Variants in FER observed in about 807,000 individuals in gnomAD.
The protein encoded by FER is FER tyrosine kinase.
FER carries 63 observed loss-of-function variants against 111.0 expected under a neutral mutation model. The ratio of observed to expected loss-of-function variants is 0.57; its 90% CI spans 0.46 to 0.70. The LOEUF (loss-of-function observed/expected upper bound fraction) is 0.70, where lower values mean the gene tolerates loss of function less well. Among genes scored for constraint, FER ranks in the 30% least tolerant of loss-of-function variants. The pLI, the probability that FER is intolerant of heterozygous loss-of-function variation, is 0.00. For synonymous variants in FER, 327 were observed against 313.9 expected (o/e 1.04, Z -0.44); for missense variants, 914 against 954.0 (o/e 0.96, Z 0.55).
intron 10 of FER, among the ~76,000 whole-genome samples, chr5:108,929,600 AT>A (rs529996209): frequency 2.9e-3 from 425 of 147,394 alleles, no homozygotes; most frequent in African/African-American, 7.7e-3. Context: ...GAAGGAGGTG[AT>A]TTTTTTTTTT....
At chr5:108,788,030 A>G (rs1448347783) in intron 2 of FER, among the ~76,000 whole-genome samples, 1 of 152,212 alleles carries the variant, frequency 6.6e-6, no homozygotes. Flanking sequence ...GCTGCGTGCA[A>G]CGAGAAAGAG....
At chr5:109,018,370 C>T (rs1767472832) in intron 13 of FER, among the ~76,000 whole-genome samples, 1 of 151,826 alleles carries the variant, frequency 6.6e-6, no homozygotes, top group African/African-American at 2.4e-5. Flanking sequence ...TTCAATATGG[C>T]TTTAAGATGA....
chr5:109,082,504 A>G (rs1343185719), intron 16 of FER, among the ~76,000 whole-genome samples: 1 of 152,038 alleles, frequency 6.6e-6, no homozygotes, highest in African/African-American at 2.4e-5. Flanking sequence ...AAAGTCAATT[A>G]ATACTTACAT....
At chr5:108,875,375 C>G (rs927982291) in intron 8 of FER, among the ~76,000 whole-genome samples, 2 of 152,024 alleles carry the variant, frequency 1.3e-5, no homozygotes, top group Non-Finnish European at 2.9e-5. Flanking sequence ...CTCTCCTTCC[C>G]TACCAACACC....
At chr5:109,105,112 G>A (rs938641282) in intron 17 of FER, among the ~76,000 whole-genome samples, 1 of 152,076 alleles carries the variant, frequency 6.6e-6, no homozygotes, top group Non-Finnish European at 1.5e-5. Flanking sequence ...CAGGAAGAGA[G>A]TAATATTATA....
chr5:109,127,505 G>A lies in FER; in HGVS notation c.2048+26986G>A, dbSNP rs552483732. Among the ~76,000 whole-genome samples the A allele has an allele frequency of 4.6e-5, 7 of 152,210 alleles. No individual in the cohort carries two copies. In the South Asian group the frequency reaches 1.2e-3, roughly 27 times the overall value. ...TGCAATCTCCACCTCCCAGGTTCAAGGGGTTCTCCTGCCTCAGCCTGCTGA... is the reference window on the plus strand; with the variant it reads ...TGCAATCTCCACCTCCCAGGTTCAAAGGGTTCTCCTGCCTCAGCCTGCTGA... On this transcript the variant is annotated intron_variant, in intron 17 of 19. Transcript: ENST00000281092.
intron 17 of FER, among the ~76,000 whole-genome samples, chr5:109,140,648 G>A (rs1377920876): frequency 6.6e-6 from 1 of 152,142 alleles, no homozygotes; most frequent in African/African-American, 2.4e-5. Flanking sequence ...TGAAAGTCTT[G>A]GACTTCAAAT....
chr5:109,165,469 A>G (rs1000581890), intron 17 of FER, among the ~76,000 whole-genome samples: 1 of 152,190 alleles, frequency 6.6e-6, no homozygotes, highest in African/African-American at 2.4e-5. Context: ...ACCAAAGGTC[A>G]TCAGATCCAG....
At chr5:109,157,317 A>C (rs1755507257) in intron 17 of FER, among the ~76,000 whole-genome samples, 1 of 152,136 alleles carries the variant, frequency 6.6e-6, no homozygotes, top group Non-Finnish European at 1.5e-5. Flanking sequence ...GTTTCTATGA[A>C]AACACTTTAA....
chr5:108,769,463 G>A (rs1470173024), intron 2 of FER, among the ~76,000 whole-genome samples: 2 of 152,092 alleles, frequency 1.3e-5, no homozygotes, highest in African/African-American at 2.4e-5. Flanking sequence ...AATATTTAGG[G>A]CTTTGAAGGG....
Position 109,190,377 on chromosome 5 carries a change from T to A in FER, c.*2802T>A, listed in dbSNP as rs1297586586. 1 of 147,374 alleles carries A rather than the reference T, an allele frequency of 6.8e-6. No individual in the cohort carries two copies. Among genetic ancestry groups the A allele is most frequent in the Non-Finnish European group, 1.5e-5 (1 of 65,892 alleles). 9.1% of individuals were successfully genotyped at this position (147,374 alleles called of 1,614,324 possible). On this transcript the variant is annotated 3_prime_UTR_variant, in exon 20 of 20. Transcript: ENST00000281092. The stretch of plus-strand genomic sequence containing the variant: ...GATTATTCAAGATATATATATATAT[T>A]CTTACTACTGCATAGTTCCTCTCAT...
intron 13 of FER, among the ~76,000 whole-genome samples, chr5:109,012,614 G>A (rs753926052): frequency 3.9e-5 from 6 of 152,256 alleles, no homozygotes; most frequent in Admixed American, 3.9e-4. Context: ...GTATCATTGC[G>A]ATGGCACTAC....
chr5:108,940,586 C>G (rs1756118390), intron 10 of FER, among the ~76,000 whole-genome samples: 1 of 151,950 alleles, frequency 6.6e-6, no homozygotes, highest in South Asian at 2.1e-4. Context: ...ACTGTATGAG[C>G]AGATCAATCC....
chr5:108,966,510 C>T (rs776403105), intron 13 of FER, among the ~76,000 whole-genome samples: 5 of 151,482 alleles, frequency 3.3e-5, no homozygotes, highest in Non-Finnish European at 5.9e-5. Context: ...GCCTCAGCCT[C>T]CTGAGTAGCT....
intron 5 of FER, among the ~76,000 whole-genome samples, chr5:108,858,771 T>C (rs200584255): frequency 0.21 from 31,235 of 147,632 alleles, 3,261 homozygotes; most frequent in African/African-American, 0.27. Context: ...TTTTCATTTT[T>C]TTTTTTTTTT....
chr5:109,121,351 T>G (rs1177518900), intron 17 of FER, among the ~76,000 whole-genome samples: 1 of 152,180 alleles, frequency 6.6e-6, no homozygotes, highest in Non-Finnish European at 1.5e-5. Context: ...ATTGAAATGA[T>G]AATATGGTTT....
intron 10 of FER, among the ~76,000 whole-genome samples, chr5:108,930,699 T>A (rs1390676697): frequency 6.9e-6 from 1 of 145,870 alleles, no homozygotes; most frequent in African/African-American, 2.6e-5. Context: ...CTGCAACCTC[T>A]GTCTCCTGAG....
In FER at chr5:109,193,022, T is replaced by A. The variant is rs930231310; in HGVS notation, c.*5447T>A. On this transcript the variant is annotated 3_prime_UTR_variant, in exon 20 of 20. Coordinates refer to ENST00000281092, the MANE Select transcript of FER (RefSeq NM_005246.4). ...AAAATGACCCATAGCCAACAATAAA[T>A]GCAATAACAATAAAGGAAACTAACC... 1 of 152,106 alleles carries A rather than the reference T, an allele frequency of 6.6e-6. No homozygotes were observed. The highest frequency in any genetic ancestry group is 1.5e-5 in the Non-Finnish European group (1 of 68,028). The allele number at this position is 152,106 out of a possible 1,614,324, so 9.4% of individuals were successfully genotyped here. A position where few individuals can be genotyped will look rare whatever the true frequency, so the allele number is the denominator to read the frequency against.
At chr5:109,065,431 T>C (rs1774964731) in intron 16 of FER, among the ~76,000 whole-genome samples, 1 of 152,258 alleles carries the variant, frequency 6.6e-6, no homozygotes, top group African/African-American at 2.4e-5. Context: ...ATTGTAATGC[T>C]ACTCTTTTAT....
Sources: gnomAD v4.1 joint callset for allele counts (sites outside exome capture counted in the v4.1 genomes callset) on GRCh38, gnomAD v4.1.1 for gene constraint, MANE v1.5 for transcripts, NCBI Gene and HGNC (gene_info 2026-07-23, HGNC 2026-07-21) for gene names.